KIAA1217: variants seen among roughly 807,000 people sequenced by gnomAD.
KIAA1217 encodes the protein sickle tail protein homolog.
In KIAA1217, 88 loss-of-function variants were observed where a neutral mutation model predicts 163.9. That is an observed-to-expected ratio of 0.54 (90% confidence interval 0.45 to 0.64). The LOEUF is 0.64. KIAA1217 is among the 30% of genes least tolerant of loss of function. KIAA1217 has a pLI of 0.00. For synonymous variants in KIAA1217, 903 were observed against 923.1 expected, an observed-to-expected ratio of 0.98 and a Z score of 0.39; for missense variants, 2,372 against 2,475.0, an observed-to-expected ratio of 0.96 and a Z score of 0.88.
At chr10:23,995,815 T>C (rs1246910261) in intron 1 of KIAA1217, among the ~76,000 whole-genome samples, 2 of 152,146 alleles carry the variant, frequency 1.3e-5, no homozygotes, top group Non-Finnish European at 2.9e-5. Context: ...GGAGCCCTTA[T>C]TTTTTTGGCA....
chr10:24,031,373 T>C (rs191086919), intron 2 of KIAA1217, among the ~76,000 whole-genome samples: 179 of 152,282 alleles, frequency 1.2e-3, no homozygotes, highest in African/African-American at 4.1e-3. Flanking sequence ...CAATTACTGC[T>C]CACTGCAGCC....
At chr10:24,421,653 A>G (rs2058740664) in intron 3 of KIAA1217, among the ~76,000 whole-genome samples, 2 of 152,204 alleles carry the variant, frequency 1.3e-5, no homozygotes, top group Admixed American at 6.5e-5. Flanking sequence ...ATTCTTTTTA[A>G]TTTTTAAATT....
intron 1 of KIAA1217, among the ~76,000 whole-genome samples, chr10:23,926,901 CTGTT>C (rs1843045033): frequency 6.6e-6 from 1 of 151,638 alleles, no homozygotes; most frequent in Non-Finnish European, 1.5e-5. Context: ...ATTTATTTAT[CTGTT>C]TATTTATTTA....
intron 2 of KIAA1217, among the ~76,000 whole-genome samples, chr10:24,296,321 G>A (rs996786931): frequency 6.6e-6 from 1 of 152,054 alleles, no homozygotes; most frequent in African/African-American, 2.4e-5. Context: ...AGGCTGGTTG[G>A]TCTCAAACTC....
chr10:23,964,782 C>T (rs1236912276), intron 1 of KIAA1217, among the ~76,000 whole-genome samples: 1 of 152,046 alleles, frequency 6.6e-6, no homozygotes, highest in African/African-American at 2.4e-5. Flanking sequence ...GTCTTGATCT[C>T]TTGACTTCGT....
chr10:24,069,104 AG>A (rs1046852192), intron 2 of KIAA1217, among the ~76,000 whole-genome samples: 1 of 152,222 alleles, frequency 6.6e-6, no homozygotes, highest in Admixed American at 6.5e-5. Context: ...GCATTGAGCC[AG>A]GGGGCAGAGC....
In KIAA1217 at chr10:23,816,116, G is replaced by A. The variant is rs117142475; in HGVS notation, c.-321+120882G>A. Among the ~76,000 whole-genome samples the A allele has an allele frequency of 8.1e-3, 1,231 of 152,210 alleles. 5 individuals are homozygous for A. Among genetic ancestry groups the A allele is most frequent in the Non-Finnish European group, 0.01 (710 of 68,018 alleles). On this transcript the variant is annotated intron_variant, in intron 1 of 18. Transcript: ENST00000376462. ...AAAACTTCAAGAATGTTATTTCCTG[G>A]TAACCAGCATTTGCGTTACCTTGAG...
chr10:24,093,593 G>A (rs2062025292), intron 2 of KIAA1217, among the ~76,000 whole-genome samples: 2 of 151,456 alleles, frequency 1.3e-5, no homozygotes, highest in Admixed American at 6.6e-5. Flanking sequence ...TGTGAGCCAC[G>A]GCACTTGGCA....
At chr10:23,977,279 T>G (rs1845580791) in intron 1 of KIAA1217, among the ~76,000 whole-genome samples, 3 of 152,216 alleles carry the variant, frequency 2.0e-5, no homozygotes, top group African/African-American at 7.2e-5. Flanking sequence ...TTTCTTAGAA[T>G]GTCATAAATC....
chr10:23,918,674 A>G (rs1473444896), intron 1 of KIAA1217, among the ~76,000 whole-genome samples: 2 of 152,022 alleles, frequency 1.3e-5, no homozygotes, highest in African/African-American at 4.8e-5. Context: ...TGGATGGACC[A>G]TGAATAATTT....
At chr10:23,900,908 C>T (rs1297638439) in intron 1 of KIAA1217, among the ~76,000 whole-genome samples, 2 of 151,992 alleles carry the variant, frequency 1.3e-5, no homozygotes, top group African/African-American at 4.8e-5. Flanking sequence ...AACACATATC[C>T]TAAAGCTTCA....
intron 1 of KIAA1217, among the ~76,000 whole-genome samples, chr10:23,852,400 C>A (rs537380615): frequency 6.6e-6 from 1 of 152,140 alleles, no homozygotes; most frequent in Non-Finnish European, 1.5e-5. Flanking sequence ...CAGTACCATG[C>A]CGTTTTGGTT....
intron 20 of KIAA1217, chr10:24,545,344 C>G: frequency 2.2e-6 from 3 of 1,391,216 alleles, no homozygotes; most frequent in Non-Finnish European, 2.8e-6. Flanking sequence ...TAACTGTTAA[C>G]ACACGGTGCC....
At chr10:24,545,434 G>A in intron 20 of KIAA1217, 1 of 1,294,438 alleles carries the variant, frequency 7.7e-7, no homozygotes, top group Non-Finnish European at 9.8e-7. Flanking sequence ...ACCTGTGGTT[G>A]AACTGCCCTT....
intron 2 of KIAA1217, among the ~76,000 whole-genome samples, chr10:24,024,199 G>A (rs554229155): frequency 1.6e-4 from 24 of 151,388 alleles, no homozygotes; most frequent in South Asian, 1.5e-3. Flanking sequence ...AATTTTATAG[G>A]TTTTGATAAA....
At chr10:24,512,792 GT>G (rs1472814350) in intron 9 of KIAA1217, among the ~76,000 whole-genome samples, 3 of 152,186 alleles carry the variant, frequency 2.0e-5, no homozygotes, top group Non-Finnish European at 4.4e-5. Context: ...GGTATTTCAT[GT>G]AACCCTCAAG....
intron 2 of KIAA1217, among the ~76,000 whole-genome samples, chr10:24,092,456 G>A (rs1378061057): frequency 6.6e-6 from 1 of 151,792 alleles, no homozygotes; most frequent in African/African-American, 2.4e-5. Context: ...GTATGCAAAT[G>A]TTTCTAATAG....
chr10:23,974,070 T>C (rs1399004643), intron 1 of KIAA1217, among the ~76,000 whole-genome samples: 1 of 152,222 alleles, frequency 6.6e-6, no homozygotes, highest in South Asian at 2.1e-4. Flanking sequence ...TGATTATGCA[T>C]CTACCCCAGA....
intron 1 of KIAA1217, among the ~76,000 whole-genome samples, chr10:23,774,475 G>T (rs1335413858): frequency 6.6e-6 from 1 of 152,168 alleles, no homozygotes; most frequent in African/African-American, 2.4e-5. Flanking sequence ...ATGACCCAGG[G>T]GCTTGGCGCC....
Sources: allele counts gnomAD v4.1 joint callset (sites outside exome capture counted in the v4.1 genomes callset), GRCh38; gene constraint gnomAD v4.1.1; transcripts MANE v1.5; gene names NCBI Gene and HGNC (gene_info 2026-07-23, HGNC 2026-07-21).